PRKG1: variants seen among roughly 807,000 people sequenced by gnomAD.
PRKG1 encodes protein kinase cGMP-dependent 1, also known as cGMP-dependent protein kinase 1.
PRKG1 carries 35 observed loss-of-function variants against 88.1 expected under a neutral mutation model. The observed-to-expected ratio is 0.40, with a 90% CI of 0.30 to 0.53. The LOEUF is 0.53. Among genes scored for constraint, PRKG1 ranks in the 20% least tolerant of loss-of-function variants. The pLI is 0.59. For synonymous variants in PRKG1, 303 were observed against 292.5 expected (o/e 1.04, Z -0.37); for missense variants, 540 against 839.8 (o/e 0.64, Z 4.41).
intron 2 of PRKG1, among the ~76,000 whole-genome samples, chr10:51,160,987 C>G (rs192969858): frequency 6.6e-6 from 1 of 151,842 alleles, no homozygotes; most frequent in Non-Finnish European, 1.5e-5. Flanking sequence ...CATTGATAAT[C>G]GAAAGAGTAA....
At chr10:52,183,000 G>A (rs935934297) in intron 9 of PRKG1, among the ~76,000 whole-genome samples, 5 of 151,924 alleles carry the variant, frequency 3.3e-5, no homozygotes, top group African/African-American at 1.2e-4. Context: ...GATGAGAGAG[G>A]GATAAAGAGA....
intron 2 of PRKG1, among the ~76,000 whole-genome samples, chr10:51,313,223 G>C (rs553872345): frequency 6.4e-4 from 97 of 152,064 alleles, no homozygotes; most frequent in African/African-American, 2.3e-3. Context: ...TTGGGAAGAG[G>C]GGCCATAACC....
At chr10:51,826,036 G>A (rs994527308) in intron 4 of PRKG1, among the ~76,000 whole-genome samples, 5 of 152,150 alleles carry the variant, frequency 3.3e-5, no homozygotes, top group Admixed American at 6.6e-5. Flanking sequence ...GTATGGCAAG[G>A]AGTTGATTTG....
chr10:51,542,718 T>C (rs374529103), intron 3 of PRKG1, among the ~76,000 whole-genome samples: 49 of 152,298 alleles, frequency 3.2e-4, no homozygotes, highest in African/African-American at 1.2e-3. Context: ...GAAACCATTT[T>C]GTGTCCTATA....
At chr10:51,984,940 C>A (rs1444532714) in intron 5 of PRKG1, among the ~76,000 whole-genome samples, 1 of 151,862 alleles carries the variant, frequency 6.6e-6, no homozygotes, top group Non-Finnish European at 1.5e-5. Context: ...TGGGCAGTAC[C>A]CTTAATGCTT....
chr10:51,044,256 T>C (rs1231434750), intron 1 of PRKG1, among the ~76,000 whole-genome samples: 1 of 152,118 alleles, frequency 6.6e-6, no homozygotes, highest in Non-Finnish European at 1.5e-5. Context: ...TCTGTGTGGG[T>C]AGATGAGCCT....
chr10:51,943,262 A>C (rs1297429145), intron 5 of PRKG1, among the ~76,000 whole-genome samples: 1 of 151,640 alleles, frequency 6.6e-6, no homozygotes, highest in Non-Finnish European at 1.5e-5. Flanking sequence ...TTTGTCTGTT[A>C]TTGGTGTATA....
rs568934798 is a variant in PRKG1 at position 52,100,026 on chromosome 10, A to T, written c.936-33814A>T. On this transcript the variant is annotated intron_variant, in intron 7 of 17. Transcript: ENST00000373980. ...ATCTACTTACAGGGGAATAATGAAGACCTTCCAGAGATTTCGTAAGCCAAA... is the reference window on the plus strand; with the variant it reads ...ATCTACTTACAGGGGAATAATGAAGTCCTTCCAGAGATTTCGTAAGCCAAA... Among the ~76,000 whole-genome samples, 5 of 152,160 alleles carry T rather than the reference A, an allele frequency of 3.3e-5. No homozygotes were observed. The South Asian group carries it at 8.3e-4, about 25-fold the overall frequency.
At chr10:51,282,884 A>G (rs1564428088) in intron 2 of PRKG1, among the ~76,000 whole-genome samples, 1 of 152,092 alleles carries the variant, frequency 6.6e-6, no homozygotes, top group Non-Finnish European at 1.5e-5. Context: ...TTTGGGGGGT[A>G]CATGTGCAGG....
chr10:51,230,050 A>G (rs558702851), intron 2 of PRKG1, among the ~76,000 whole-genome samples: 1 of 152,264 alleles, frequency 6.6e-6, no homozygotes, highest in Non-Finnish European at 1.5e-5. Flanking sequence ...GCTATTTTTC[A>G]ACACGTACAA....
chr10:52,085,377 G>A (rs1427551744), intron 7 of PRKG1, among the ~76,000 whole-genome samples: 1 of 152,004 alleles, frequency 6.6e-6, no homozygotes, highest in East Asian at 1.9e-4. Context: ...TTCACTGCTG[G>A]AAGTCCTTCA....
intron 4 of PRKG1, among the ~76,000 whole-genome samples, chr10:51,888,176 T>C (rs568452254): frequency 2.5e-4 from 38 of 152,298 alleles, no homozygotes; most frequent in African/African-American, 8.9e-4. Flanking sequence ...ACGTTGAATG[T>C]GTGCATTTTT....
intron 8 of PRKG1, among the ~76,000 whole-genome samples, chr10:52,147,177 T>C (rs1273042799): frequency 1.3e-5 from 2 of 151,970 alleles, no homozygotes; most frequent in Admixed American, 6.6e-5. Context: ...AAGTAAATAG[T>C]AAAGGCCAAC....
At chr10:51,088,451 G>T in intron 1 of PRKG1, among the ~76,000 whole-genome samples, 1 of 150,388 alleles carries the variant, frequency 6.6e-6, no homozygotes, top group Non-Finnish European at 1.5e-5. Context: ...ACTAATATAG[G>T]GTAAGACTAT....
intron 3 of PRKG1, among the ~76,000 whole-genome samples, chr10:51,636,124 C>T (rs1303551717): frequency 6.6e-6 from 1 of 152,076 alleles, no homozygotes; most frequent in Non-Finnish European, 1.5e-5. Context: ...AAAGCATAAG[C>T]TGCTTTAAGT....
At chr10:51,314,434 A>G (rs1841270148) in intron 2 of PRKG1, among the ~76,000 whole-genome samples, 2 of 152,200 alleles carry the variant, frequency 1.3e-5, no homozygotes, top group African/African-American at 4.8e-5. Flanking sequence ...GGTCTTACAA[A>G]AGATTTCTAT....
chr10:51,181,681 A>G (rs1003888072), intron 2 of PRKG1, among the ~76,000 whole-genome samples: 6 of 152,206 alleles, frequency 3.9e-5, no homozygotes, highest in African/African-American at 1.4e-4. Context: ...AGTATGTCAC[A>G]TGTATTGTCT....
chr10:51,003,830 C>T (rs572949939), intron 1 of PRKG1, among the ~76,000 whole-genome samples: 3 of 152,234 alleles, frequency 2.0e-5, no homozygotes, highest in Admixed American at 1.3e-4. Flanking sequence ...CCATAACACT[C>T]CTCAGTAACC....
intron 5 of PRKG1, among the ~76,000 whole-genome samples, chr10:51,972,176 T>G (rs1291080610): frequency 6.6e-6 from 1 of 152,206 alleles, no homozygotes; most frequent in Non-Finnish European, 1.5e-5. Context: ...TTCATATGTT[T>G]AACATTTTTT....
Sources: allele counts gnomAD v4.1 joint callset (sites outside exome capture counted in the v4.1 genomes callset), GRCh38; gene constraint gnomAD v4.1.1; transcripts MANE v1.5; gene names NCBI Gene and HGNC (gene_info 2026-07-23, HGNC 2026-07-21).